TRAFD1: variants seen among roughly 807,000 people sequenced by gnomAD.
TRAFD1 encodes the protein TRAF-type zinc finger domain containing 1.
Under a neutral mutation model 65.3 loss-of-function variants are expected in TRAFD1, and 38 were observed. The ratio of observed to expected loss-of-function variants is 0.58; its 90% CI spans 0.45 to 0.76. The LOEUF is 0.76. TRAFD1 is among the 30% of genes least tolerant of loss of function. TRAFD1 has a pLI of 0.00. For missense variants in TRAFD1, 631 were observed against 712.6 expected (o/e 0.89, Z 1.30); for synonymous variants, 223 against 257.2 (o/e 0.87, Z 1.27).
chr12:112,135,939 T>C (rs1463492020), intron 4 of TRAFD1, among the ~76,000 whole-genome samples: 1 of 151,024 alleles, frequency 6.6e-6, no homozygotes. Flanking sequence ...GGTCAGAGTT[T>C]GAGACCAGCC....
intron 7 of TRAFD1, among the ~76,000 whole-genome samples, chr12:112,146,225 CAA>C (rs766339761): frequency 7.5e-5 from 5 of 66,814 alleles, no homozygotes; most frequent in African/African-American, 2.8e-4. Context: ...GAAATAACAG[CAA>C]AAAAAAAAAA....
At chr12:112,134,001 A>G (rs1278953850) in intron 2 of TRAFD1, among the ~76,000 whole-genome samples, 3 of 95,156 alleles carry the variant, frequency 3.2e-5, no homozygotes, top group African/African-American at 8.7e-5. Context: ...AAAGGATTTA[A>G]TTTTTTTTTT....
At chr12:112,145,698 T>G in intron 7 of TRAFD1, 36 bp downstream of exon 7, 1 of 1,596,334 alleles carries the variant, frequency 6.3e-7, no homozygotes, top group Non-Finnish European at 8.6e-7. Context: ...TTTAGTAGGA[T>G]TGTATGCAGG....
At chr12:112,135,095 C>G (rs760264355) in intron 4 of TRAFD1, 29 bp downstream of exon 4, 1 of 1,613,706 alleles carries the variant, frequency 6.2e-7, no homozygotes, top group African/African-American at 1.3e-5. Context: ...TTACCGTGGG[C>G]CCAGTCCTGC....
chr12:112,133,706 TC>T (rs1298734463), intron 2 of TRAFD1, among the ~76,000 whole-genome samples: 2 of 151,294 alleles, frequency 1.3e-5, no homozygotes, highest in African/African-American at 4.9e-5. Context: ...AGGATTTAGT[TC>T]TTTTTTTTTT....
intron 4 of TRAFD1, among the ~76,000 whole-genome samples, chr12:112,135,972 T>C (rs2079598237): frequency 1.3e-5 from 2 of 151,260 alleles, no homozygotes. Context: ...TGAAACCCTG[T>C]CTCTGTTAAA....
chr12:112,144,188 T>G (rs552159046), intron 6 of TRAFD1, among the ~76,000 whole-genome samples: 2 of 152,178 alleles, frequency 1.3e-5, no homozygotes, highest in South Asian at 4.1e-4. Context: ...TCTAGCATGT[T>G]CCTCTGAGAA....
intron 5 of TRAFD1, chr12:112,141,433 T>G (rs1001198177): frequency 8.1e-6 from 5 of 616,908 alleles, no homozygotes; most frequent in South Asian, 2.1e-5. Flanking sequence ...ATGACAGTGT[T>G]GTAAATAGCC....
chr12:112,145,746 A>T lies in TRAFD1; in HGVS notation c.927+84A>T, dbSNP rs1173056643. On this transcript the variant is annotated intron_variant, in intron 7 of 11. Coordinates refer to ENST00000412615, the MANE Select transcript of TRAFD1 (RefSeq NM_006700.3). Reference sequence around the variant, plus strand: ...TTGCAGGCCACATGAGGCCTTGAACAAATCATTTTAATACAATGCCCATAG... The same window carrying T: ...TTGCAGGCCACATGAGGCCTTGAACTAATCATTTTAATACAATGCCCATAG... 4.2e-6 allele frequency: 5 copies of T among 1,197,694 alleles called. No individual in the cohort carries two copies. In the Admixed American group the frequency reaches 7.5e-5, roughly 18 times the overall value. The allele number at this position is 1,197,694 out of a possible 1,614,324, so 74.2% of individuals were successfully genotyped here. A position where few individuals can be genotyped will look rare whatever the true frequency, so the allele number is the denominator to read the frequency against.
At chr12:112,144,284 T>C (rs77288277) in intron 6 of TRAFD1, among the ~76,000 whole-genome samples, 13,612 of 150,962 alleles carry the variant, frequency 0.09, 646 homozygotes, top group East Asian at 0.23. Context: ...TTTTTTTTTT[T>C]CTTGAGACAG....
intron 4 of TRAFD1, among the ~76,000 whole-genome samples, chr12:112,139,629 G>A (rs1177287230): frequency 2.0e-5 from 3 of 152,062 alleles, no homozygotes; most frequent in African/African-American, 7.2e-5. Context: ...CACCATGTTG[G>A]TCAGGCTGGT....
rs889060045 is a variant in TRAFD1, at chr12:112,134,944, G to A, written c.184-69G>A. 5 of 1,613,368 alleles carry A rather than the reference G, an allele frequency of 3.1e-6. No homozygotes were observed. The African/African-American group carries it at 5.3e-5, about 17-fold the overall frequency. On this transcript the variant is annotated intron_variant, in intron 3 of 11. Coordinates refer to ENST00000412615, the MANE Select transcript of TRAFD1 (RefSeq NM_006700.3). ...TGTTGTTCGTAAATGTATTCTGTTT[G>A]CTATTGTGCAATAGCAAATGAGCAT...
Position 112,130,673 on chromosome 12 carries a change from G to C in TRAFD1, c.47+104G>C, listed in dbSNP as rs969620336. 6.5e-6 allele frequency: 6 copies of C among 921,256 alleles called. No homozygotes were observed. The highest frequency in any genetic ancestry group is 1.7e-5 in the African/African-American group (1 of 59,670). The allele number at this position is 921,256 out of a possible 1,614,324, so 57.1% of individuals were successfully genotyped here. A position where few individuals can be genotyped will look rare whatever the true frequency, so the allele number is the denominator to read the frequency against. ...TGTTAGTGAAGACTGGCACAGTCTTGAGTTAAGCTTTCTATTTTGGTGTTT... is the reference window on the plus strand; with the variant it reads ...TGTTAGTGAAGACTGGCACAGTCTTCAGTTAAGCTTTCTATTTTGGTGTTT... On this transcript the variant is annotated intron_variant, in intron 2 of 11. Transcript: ENST00000412615. The surrounding 1 kb of genome is among the most constrained non-coding windows in gnomAD (Gnocchi z 4.4).
rs770659447 is a variant in TRAFD1 at position 112,152,122 on chromosome 12, C to G, written c.1601C>G (p.Ser534Ter). The G allele has an allele frequency of 1.2e-6, 2 of 1,612,614 alleles. No individual in the cohort carries two copies. Among genetic ancestry groups the G allele is most frequent in the East Asian group, 4.5e-5 (2 of 44,854 alleles). The stretch of plus-strand genomic sequence containing the variant: ...GTGCCCTCTTTCTCCCCTGGGCCTT[C>G]AGGGAGATACGGAGCTAGGTAAGAA... ...NIVPSFSPGPSGRYGASGRSE... is the reference protein window; with the variant it reads ...NIVPSFSPGP The change falls in exon 10 of 12, where the codon TCA (serine) becomes TGA (stop). Residue 534 changes from serine to a stop codon, truncating the protein, a stop_gained. Transcript: ENST00000412615. LOFTEE classifies it high-confidence loss of function. The surrounding 1 kb of genome is among the most constrained non-coding windows in gnomAD (Gnocchi z 5.0).
rs530894889 is a variant in TRAFD1 at position 112,138,507 on chromosome 12, A to G, written c.238-2312A>G. ...AGAGGTTGCAGTGAGCCAAGATCAC[A>G]CCACTGCACTCCAGCCTGGGCAACA... On this transcript the variant is annotated intron_variant, in intron 4 of 11. Transcript: ENST00000412615. Among the ~76,000 whole-genome samples the G allele has an allele frequency of 1.4e-3, 216 of 151,556 alleles. 2 individuals carry two copies. The Middle Eastern group carries it at 0.031, about 22-fold the overall frequency.
In TRAFD1 at chr12:112,145,597, G is replaced by A. The variant is rs959753274; in HGVS notation, c.862G>A (p.Glu288Lys). 12 of 1,614,102 alleles carry A rather than the reference G, an allele frequency of 7.4e-6. No homozygotes were observed. Among genetic ancestry groups the A allele is most frequent in the Non-Finnish European group, 1.0e-5 (12 of 1,179,998 alleles). ...GGCCTAATACCTAGGTGCAGCTGAC[G>A]AGATCATGTTGCCTTGTGAATTTTG... is the stretch of plus-strand genomic sequence containing the variant. ...SLSDIKGAAD[E>K]IMLPCEFCEE... Residue 288 changes from glutamate (E) to lysine (K), a missense_variant, in exon 7 of 12, where the codon GAG (glutamate) becomes AAG (lysine). Coordinates refer to ENST00000412615, the MANE Select transcript of TRAFD1 (RefSeq NM_006700.3).
chr12:112,146,176 A>T (rs907638521), intron 7 of TRAFD1, among the ~76,000 whole-genome samples: 1 of 150,436 alleles, frequency 6.6e-6, no homozygotes, highest in Non-Finnish European at 1.5e-5. Context: ...TAATAATAAT[A>T]AAAAAAAGAA....
At chr12:112,135,116 G>T in intron 4 of TRAFD1, 50 bp downstream of exon 4, 2 of 1,606,996 alleles carry the variant, frequency 1.2e-6, no homozygotes, top group South Asian at 2.2e-5. Flanking sequence ...TGAGATTACA[G>T]ACCCACATGC....
intron 4 of TRAFD1, chr12:112,140,078 CTG>C: frequency 3.5e-6 from 1 of 287,542 alleles, no homozygotes; most frequent in South Asian, 2.7e-5. Flanking sequence ...TTAGAGAAAC[CTG>C]TGTCTTTCTA....
Sources: gnomAD v4.1 joint callset for allele counts (sites outside exome capture counted in the v4.1 genomes callset) on GRCh38, gnomAD v4.1.1 for gene constraint, Gnocchi (gnomAD v3.1) non-coding constraint, MANE v1.5 for transcripts, NCBI Gene and HGNC (gene_info 2026-07-23, HGNC 2026-07-21) for gene names.